CDH18: variants seen among roughly 807,000 people sequenced by gnomAD.
The protein encoded by CDH18 is cadherin 18.
Under a neutral mutation model 67.9 loss-of-function variants are expected in CDH18, and 31 were observed. The observed-to-expected ratio is 0.46, with a 90% CI of 0.34 to 0.62. The LOEUF (loss-of-function observed/expected upper bound fraction) is 0.62. Among genes scored for constraint, CDH18 ranks in the 20% least tolerant of loss-of-function variants. CDH18 has a pLI of 0.01. For synonymous variants in CDH18, 362 were observed against 347.2 expected, an observed-to-expected ratio of 1.04 and a Z score of -0.48; for missense variants, 890 against 975.5, an observed-to-expected ratio of 0.91 and a Z score of 1.17.
intron 1 of CDH18, among the ~76,000 whole-genome samples, chr5:20,326,796 C>T (rs929271700): frequency 6.6e-6 from 1 of 152,148 alleles, no homozygotes; most frequent in Non-Finnish European, 1.5e-5. Flanking sequence ...CAGCCTTGGC[C>T]TCCCAAAGTG....
intron 2 of CDH18, among the ~76,000 whole-genome samples, chr5:20,033,684 T>C (rs1739596361): frequency 6.6e-6 from 1 of 151,982 alleles, no homozygotes; most frequent in Non-Finnish European, 1.5e-5. Context: ...TACAACCAGG[T>C]TCTCTATATT....
intron 1 of CDH18, among the ~76,000 whole-genome samples, chr5:20,309,490 A>T (rs891541599): frequency 7.9e-5 from 12 of 152,206 alleles, no homozygotes; most frequent in Non-Finnish European, 1.0e-4. Flanking sequence ...AAACACATAA[A>T]TTCAAAACCC....
At chr5:20,249,998 T>G (rs1367672392) in intron 2 of CDH18, among the ~76,000 whole-genome samples, 2 of 152,090 alleles carry the variant, frequency 1.3e-5, no homozygotes, top group South Asian at 4.2e-4. Flanking sequence ...TAGAAAAAAA[T>G]TTCCTTTTTC....
chr5:20,307,505 T>C (rs188419890), intron 1 of CDH18, among the ~76,000 whole-genome samples: 3 of 152,296 alleles, frequency 2.0e-5, no homozygotes, highest in Non-Finnish European at 4.4e-5. Context: ...GAATTAAAGT[T>C]AGAACAGCAC....
chr5:19,868,579 T>C (rs2150010248), intron 2 of CDH18, among the ~76,000 whole-genome samples: 1 of 152,326 alleles, frequency 6.6e-6, no homozygotes, highest in South Asian at 2.1e-4. Context: ...CGTACCACTT[T>C]GTGGAAAATA....
At chr5:19,982,141 G>C (rs1799114443) in intron 1 of CDH18, among the ~76,000 whole-genome samples, 1 of 152,096 alleles carries the variant, frequency 6.6e-6, no homozygotes, top group African/African-American at 2.4e-5. Flanking sequence ...GAACTTTACT[G>C]ATTGGTCTTT....
At chr5:19,818,398 A>T (rs1434698716) in intron 3 of CDH18, among the ~76,000 whole-genome samples, 1 of 152,172 alleles carries the variant, frequency 6.6e-6, no homozygotes, top group Non-Finnish European at 1.5e-5. Context: ...TTACAACATG[A>T]TTCATTCAGC....
At chr5:20,530,582 C>T (rs1483627033) in intron 1 of CDH18, among the ~76,000 whole-genome samples, 1 of 151,968 alleles carries the variant, frequency 6.6e-6, no homozygotes, top group East Asian at 1.9e-4. Context: ...CAAATAAAAC[C>T]TCACATCTAC....
At chr5:20,507,049 G>A (rs1754705303) in intron 1 of CDH18, among the ~76,000 whole-genome samples, 1 of 152,186 alleles carries the variant, frequency 6.6e-6, no homozygotes, top group Non-Finnish European at 1.5e-5. Context: ...CATTAGGAAA[G>A]ACTGAGCCAT....
intron 2 of CDH18, among the ~76,000 whole-genome samples, chr5:20,083,193 G>T (rs10058302): frequency 3.9e-4 from 59 of 152,308 alleles, no homozygotes; most frequent in African/African-American, 1.4e-3. Flanking sequence ...TCAACTAGAA[G>T]TTGTTGAGTT....
intron 2 of CDH18, among the ~76,000 whole-genome samples, chr5:20,024,024 A>T (rs1048042708): frequency 3.9e-5 from 6 of 152,336 alleles, no homozygotes; most frequent in African/African-American, 1.4e-4. Flanking sequence ...AAGGCAGTAC[A>T]AGGAGTAGAG....
intron 1 of CDH18, among the ~76,000 whole-genome samples, chr5:20,538,908 TG>T (rs200001386): frequency 0.011 from 1,400 of 130,450 alleles, 269 homozygotes; most frequent in African/African-American, 0.013. Flanking sequence ...GTTTTTTTTT[TG>T]TTTTTTTTTT....
intron 6 of CDH18, among the ~76,000 whole-genome samples, chr5:19,603,755 G>C (rs1262498997): frequency 6.7e-6 from 1 of 150,046 alleles, no homozygotes; most frequent in Non-Finnish European, 1.5e-5. Flanking sequence ...ATATGAGGTA[G>C]GGCAATGTGC....
chr5:20,374,615 T>G (rs1743264333), intron 1 of CDH18, among the ~76,000 whole-genome samples: 1 of 152,172 alleles, frequency 6.6e-6, no homozygotes, highest in South Asian at 2.1e-4. Context: ...TTAGACCAAT[T>G]CAATATAAAC....
chr5:19,592,195 T>G lies in CDH18; in HGVS notation c.812-951A>C, dbSNP rs561146869. Among the ~76,000 whole-genome samples the G allele has an allele frequency of 2.6e-5, 4 of 152,066 alleles. No homozygotes were observed. The East Asian group carries it at 7.7e-4, about 29-fold the overall frequency. ...GTAGCTCATTAGACAGATGGATAGA[T>G]AGACAGATAGATAGATTAGATAGAT... is the stretch of plus-strand genomic sequence containing the variant. On this transcript the variant is annotated intron_variant, in intron 6 of 12. Coordinates refer to ENST00000382275, the MANE Select transcript of CDH18 (RefSeq NM_004934.5).
chr5:19,890,798 T>C (rs1017307718), intron 2 of CDH18, among the ~76,000 whole-genome samples: 1 of 152,088 alleles, frequency 6.6e-6, no homozygotes, highest in Non-Finnish European at 1.5e-5. Context: ...TTTCACCATG[T>C]TGGCCAGGCT....
At chr5:19,800,598 C>G (rs1003845772) in intron 3 of CDH18, among the ~76,000 whole-genome samples, 8 of 151,804 alleles carry the variant, frequency 5.3e-5, no homozygotes, top group Non-Finnish European at 1.2e-4. Flanking sequence ...AAAAGGCAAT[C>G]AAAGGAAGAA....
At chr5:19,778,941 C>T (rs925137218) in intron 3 of CDH18, among the ~76,000 whole-genome samples, 3 of 152,192 alleles carry the variant, frequency 2.0e-5, no homozygotes, top group South Asian at 2.1e-4. Flanking sequence ...ATGCTGGCTT[C>T]GTTTACTGGC....
intron 1 of CDH18, chr5:20,304,648 C>T (rs1355177705): frequency 6.2e-6 from 10 of 1,611,888 alleles, no homozygotes; most frequent in East Asian, 4.5e-5. Context: ...AAATGAGGCA[C>T]TTGTCGCTCC....
Sources: gnomAD v4.1 joint callset for allele counts (sites outside exome capture counted in the v4.1 genomes callset) on GRCh38, gnomAD v4.1.1 for gene constraint, MANE v1.5 for transcripts, NCBI Gene and HGNC (gene_info 2026-07-23, HGNC 2026-07-21) for gene names.